TNNT1: variants seen among roughly 807,000 people sequenced by gnomAD.
TNNT1 encodes the protein troponin T1, slow skeletal type.
Under a neutral mutation model 50.6 loss-of-function variants are expected in TNNT1, and 53 were observed. The ratio of observed to expected loss-of-function variants is 1.05; its 90% CI spans 0.84 to 1.32. The LOEUF (loss-of-function observed/expected upper bound fraction) is 1.32. Ranked by LOEUF, TNNT1 falls within the 40% of genes most tolerant of loss-of-function variation. The pLI is 0.00. For missense variants in TNNT1, 348 were observed against 381.7 expected (o/e 0.91, Z 0.74); for synonymous variants, 142 against 138.0 (o/e 1.03, Z -0.20).
chr19:55,137,278 A>T, intron 10 of TNNT1, 66 bp from the exon 11 acceptor site: 1 of 1,185,630 alleles, frequency 8.4e-7, no homozygotes, highest in Non-Finnish European at 1.3e-6. Flanking sequence ...CCGTGTCGGG[A>T]CCCACACGTC....
intron 6 of TNNT1, among the ~76,000 whole-genome samples, chr19:55,144,479 G>A (rs769281850): frequency 3.9e-5 from 6 of 152,074 alleles, no homozygotes; most frequent in Non-Finnish European, 8.8e-5. Context: ...TCCTGGGTTC[G>A]AACAATCCTC....
intron 11 of TNNT1, among the ~76,000 whole-genome samples, chr19:55,136,604 G>C (rs1480425510): frequency 6.6e-6 from 1 of 152,210 alleles, no homozygotes; most frequent in Non-Finnish European, 1.5e-5. Context: ...GGTGGTTGAA[G>C]TTTCTGAGCC....
At chr19:55,142,902 G>A (rs934365047) in intron 6 of TNNT1, among the ~76,000 whole-genome samples, 1 of 151,146 alleles carries the variant, frequency 6.6e-6, no homozygotes, top group East Asian at 2.0e-4. Context: ...GGTGGCTCAC[G>A]CCTGTAATCC....
chr19:55,146,530 C>A, intron 4 of TNNT1, 64 bp from the exon 5 acceptor site: 1 of 1,124,758 alleles, frequency 8.9e-7, no homozygotes, highest in South Asian at 2.2e-5. Flanking sequence ...CACGCCCGGG[C>A]GCGGGAGGGG....
chr19:55,146,828 G>C, intron 3 of TNNT1, 121 bp from the exon 4 acceptor site: 1 of 1,169,210 alleles, frequency 8.6e-7, no homozygotes, highest in Non-Finnish European at 1.2e-6. Context: ...GCTGCGATGG[G>C]CACGTTCCCC....
At chr19:55,146,589 C>A in intron 4 of TNNT1, 92 bp downstream of exon 4, 1 of 1,227,988 alleles carries the variant, frequency 8.1e-7, no homozygotes, top group South Asian at 1.6e-5. Context: ...GAGCCGAGGC[C>A]GTCGGGAGCC....
intron 9 of TNNT1, 48 bp downstream of exon 9, chr19:55,140,835 C>T (rs374672179): frequency 4.8e-5 from 70 of 1,453,786 alleles, no homozygotes; most frequent in Non-Finnish European, 6.4e-5. Flanking sequence ...AATGGGCATC[C>T]GGCTGAAGAA....
At chr19:55,133,602 C>T (rs1163188239) in intron 13 of TNNT1, 2 of 508,736 alleles carry the variant, frequency 3.9e-6, no homozygotes, top group Non-Finnish European at 7.1e-6. Flanking sequence ...CGCTTGAACC[C>T]GGGAGATGGA....
intron 9 of TNNT1, among the ~76,000 whole-genome samples, chr19:55,139,117 G>A (rs572205857): frequency 1.4e-4 from 21 of 152,036 alleles, no homozygotes; most frequent in East Asian, 3.9e-4. Flanking sequence ...CTCCTGCCTC[G>A]GCCTCCCAAG....
At chr19:55,145,995 C>A (rs1216214955) in intron 5 of TNNT1, among the ~76,000 whole-genome samples, 1 of 151,104 alleles carries the variant, frequency 6.6e-6, no homozygotes, top group Non-Finnish European at 1.5e-5. Context: ...CCACCGCCCC[C>A]CCGCCCCCGG....
rs754319244 is a variant in TNNT1, at chr19:55,138,052, TCTTC to T, written c.406_409del (p.Glu136ArgfsTer45). 6.2e-7 allele frequency: 1 copy of T among 1,614,200 alleles called. No individual in the cohort carries two copies. On this transcript the variant is annotated frameshift_variant, in exon 10 of 14. Transcript: ENST00000588981. LOFTEE classifies it high-confidence loss of function. ...CTCTGCCCGCTTCTTGGCCTCTTCC[TCTTC>T]CTTCCTCATCTTCTCCTCCTGTGGG...
chr19:55,136,286 T>C (rs1445879252), intron 11 of TNNT1, among the ~76,000 whole-genome samples: 3 of 152,014 alleles, frequency 2.0e-5, no homozygotes. Flanking sequence ...GGGGTCTCAC[T>C]ACATTGCCCA....
Position 55,142,170 on chromosome 19 carries a change from G to C in TNNT1, c.129-250C>G, listed in dbSNP as rs1431856015. ...GAGTCTTGCTCTGTCACCCAGGCTGGAGTGCGGTGGCGCCACCTCGGCTCA... is the reference window on the plus strand; with the variant it reads ...GAGTCTTGCTCTGTCACCCAGGCTGCAGTGCGGTGGCGCCACCTCGGCTCA... On this transcript the variant is annotated intron_variant, in intron 6 of 13. Coordinates refer to ENST00000588981, the MANE Select transcript of TNNT1 (RefSeq NM_003283.6). 6 of 429,150 alleles carry C rather than the reference G, an allele frequency of 1.4e-5. No individual in the cohort carries two copies. In the Admixed American group the frequency reaches 1.4e-4, roughly 10 times the overall value. The allele number at this position is 429,150 out of a possible 1,614,324, so 26.6% of individuals were successfully genotyped here.
intron 9 of TNNT1, 91 bp downstream of exon 9, chr19:55,140,792 T>C (rs1217933548): frequency 1.1e-6 from 1 of 884,708 alleles, no homozygotes; most frequent in Non-Finnish European, 1.5e-6. Flanking sequence ...ATAATAATAA[T>C]AGTAATAATA....
chr19:55,147,204 G>T (rs968730699), intron 1 of TNNT1, 36 bp from the exon 2 acceptor site: 136 of 1,606,726 alleles, frequency 8.5e-5, no homozygotes, highest in Non-Finnish European at 1.1e-4. Context: ...GTGGGGTGGG[G>T]CCCCAAGGAG....
chr19:55,138,426 C>T (rs568256548), intron 9 of TNNT1, among the ~76,000 whole-genome samples: 5 of 152,226 alleles, frequency 3.3e-5, no homozygotes, highest in African/African-American at 9.6e-5. Context: ...TACAGGCACC[C>T]GCCACCGCGC....
intron 4 of TNNT1, 86 bp downstream of exon 4, chr19:55,146,595 G>A: frequency 1.6e-6 from 2 of 1,233,344 alleles, no homozygotes; most frequent in Non-Finnish European, 2.2e-6. Flanking sequence ...AGGCCGTCGG[G>A]AGCCCCATCC....
intron 9 of TNNT1, 72 bp downstream of exon 9, chr19:55,140,811 A>AATC: frequency 2.5e-5 from 28 of 1,101,940 alleles, no homozygotes; most frequent in Non-Finnish European, 3.3e-5. Context: ...TAATAATAAT[A>AATC]ATAATAATAA....
chr19:55,138,715 C>G (rs918261535), intron 9 of TNNT1, among the ~76,000 whole-genome samples: 1 of 152,192 alleles, frequency 6.6e-6, no homozygotes, highest in Non-Finnish European at 1.5e-5. Context: ...AGATGCTCAG[C>G]CTGTCTGGGC....
Sources: allele counts gnomAD v4.1 joint callset (sites outside exome capture counted in the v4.1 genomes callset), GRCh38; gene constraint gnomAD v4.1.1; transcripts MANE v1.5; gene names NCBI Gene and HGNC (gene_info 2026-07-23, HGNC 2026-07-21).